Variants in CHRM5 observed in about 807,000 individuals in gnomAD.
CHRM5 encodes the protein cholinergic receptor muscarinic 5.
Under a neutral mutation model 39.0 loss-of-function variants are expected in CHRM5, and 18 were observed. The observed-to-expected ratio is 0.46, with a 90% CI of 0.32 to 0.68. The LOEUF is 0.68. Ranked by LOEUF, CHRM5 falls within the 30% of genes least tolerant of loss-of-function variation. The probability of loss-of-function intolerance (pLI) is 0.04; values close to 1 mark genes in which losing one functional copy is unlikely to be tolerated. For synonymous variants in CHRM5, 241 were observed against 246.3 expected, an observed-to-expected ratio of 0.98 and a Z score of 0.20; for missense variants, 515 against 651.1, an observed-to-expected ratio of 0.79 and a Z score of 2.28.
At chr15:34,038,540 C>T (rs947331379) in intron 1 of CHRM5, among the ~76,000 whole-genome samples, 2 of 151,980 alleles carry the variant, frequency 1.3e-5, no homozygotes, top group South Asian at 4.1e-4. Flanking sequence ...GGAAGCCCTC[C>T]TACCCCCACT....
chr15:34,022,414 AT>A (rs1396963619), intron 1 of CHRM5, among the ~76,000 whole-genome samples: 3 of 152,210 alleles, frequency 2.0e-5, no homozygotes, highest in African/African-American at 7.2e-5. Context: ...AAAATATTTA[AT>A]TAAAAGAAAG....
chr15:34,040,048 T>G (rs1899400511), intron 1 of CHRM5, among the ~76,000 whole-genome samples: 1 of 152,240 alleles, frequency 6.6e-6, no homozygotes, highest in Admixed American at 6.5e-5. Flanking sequence ...AATAAGTGTT[T>G]TCTTCCCCCT....
At chr15:33,974,651 A>T (rs986597410) in intron 1 of CHRM5, among the ~76,000 whole-genome samples, 19 of 152,176 alleles carry the variant, frequency 1.2e-4, no homozygotes, top group Admixed American at 9.8e-4. Context: ...GAAATCTGTG[A>T]TTTGATGTTG....
chr15:34,032,601 C>T (rs1597373456), intron 1 of CHRM5, among the ~76,000 whole-genome samples: 1 of 152,144 alleles, frequency 6.6e-6, no homozygotes, highest in African/African-American at 2.4e-5. Context: ...TAGCTGTCCT[C>T]AAAACGGAGT....
chr15:33,985,236 AG>A, intron 1 of CHRM5, among the ~76,000 whole-genome samples: 1 of 151,974 alleles, frequency 6.6e-6, no homozygotes, highest in South Asian at 2.1e-4. Flanking sequence ...CAGAGACAAA[AG>A]GTGTCTCTGG....
At chr15:34,059,806 G>T (rs1322564266) in intron 2 of CHRM5, among the ~76,000 whole-genome samples, 1 of 152,190 alleles carries the variant, frequency 6.6e-6, no homozygotes, top group Non-Finnish European at 1.5e-5. Context: ...ACTCAACGAG[G>T]CTGGAGGTCC....
At chr15:34,038,695 C>T (rs1022995896) in intron 1 of CHRM5, 13 of 1,087,228 alleles carry the variant, frequency 1.2e-5, no homozygotes, top group African/African-American at 3.4e-5. Context: ...GCCTGGCACG[C>T]TCTCTTGCGG....
chr15:34,039,319 G>C (rs2140799430), intron 1 of CHRM5: 1 of 162,938 alleles, frequency 6.1e-6, no homozygotes, highest in Non-Finnish European at 1.3e-5. Context: ...GGGGCGGGGG[G>C]ATTCTCAAGG....
At chr15:34,029,053 A>G (rs970853515) in intron 1 of CHRM5, among the ~76,000 whole-genome samples, 4 of 152,144 alleles carry the variant, frequency 2.6e-5, no homozygotes, top group Non-Finnish European at 5.9e-5. Context: ...CTAATCCTCA[A>G]GTTTTCAGAG....
At position 34,062,633 on chromosome 15, in the gene CHRM5, T is replaced by G. The variant is rs1358941199; in HGVS notation, c.-75-10T>G. 2 of 1,276,860 alleles carry G rather than the reference T, an allele frequency of 1.6e-6. No individual in the cohort carries two copies. Among genetic ancestry groups the G allele is most frequent in the Non-Finnish European group, 2.2e-6 (2 of 919,188 alleles). The allele number at this position is 1,276,860 out of a possible 1,614,324, so 79.1% of individuals were successfully genotyped here. A position where few individuals can be genotyped will look rare whatever the true frequency, so the allele number is the denominator to read the frequency against. On this transcript the variant is annotated splice_polypyrimidine_tract_variant and intron_variant, in intron 2 of 2. Coordinates refer to ENST00000383263, the MANE Select transcript of CHRM5 (RefSeq NM_012125.4). Reference sequence around the variant, plus strand: ...GGTGTGCGAAGCTAATGTGTTTCCCTCTCTTCCAGATGCTGGCCAAGAAGA... The same window carrying G: ...GGTGTGCGAAGCTAATGTGTTTCCCGCTCTTCCAGATGCTGGCCAAGAAGA...
At chr15:34,038,872 AGCCCCGGCCACG>A (rs1393436770) in intron 1 of CHRM5, 1 of 1,146,496 alleles carries the variant, frequency 8.7e-7, no homozygotes, top group African/African-American at 1.7e-5. Flanking sequence ...GCGCCGCGGA[AGCCCCGGCCACG>A]GCCACGGCCC....
intron 1 of CHRM5, among the ~76,000 whole-genome samples, chr15:33,983,231 CAT>C (rs575460510): frequency 0.11 from 10,763 of 100,652 alleles, 698 homozygotes; most frequent in South Asian, 0.29. Context: ...TATACACACA[CAT>C]ACACACACAC....
At chr15:34,012,220 C>G (rs992470511) in intron 1 of CHRM5, among the ~76,000 whole-genome samples, 1 of 152,130 alleles carries the variant, frequency 6.6e-6, no homozygotes, top group Non-Finnish European at 1.5e-5. Context: ...TGCTTCTTGA[C>G]GTGGTTATGA....
intron 1 of CHRM5, among the ~76,000 whole-genome samples, chr15:34,020,570 T>C (rs2632108): frequency 0.94 from 143,256 of 152,244 alleles, 68,001 homozygotes; most frequent in East Asian, 1. Flanking sequence ...CACCTCACAA[T>C]TCTGAAATGG....
At chr15:34,015,597 C>T (rs1897862712) in intron 1 of CHRM5, among the ~76,000 whole-genome samples, 1 of 152,150 alleles carries the variant, frequency 6.6e-6, no homozygotes, top group Non-Finnish European at 1.5e-5. Flanking sequence ...ATTCCACCCT[C>T]GGTCTTTAGG....
chr15:33,970,641 T>C (rs928000950), intron 1 of CHRM5, among the ~76,000 whole-genome samples: 1 of 151,888 alleles, frequency 6.6e-6, no homozygotes, highest in African/African-American at 2.4e-5. Flanking sequence ...ATGAAGAATA[T>C]TAATCAATAT....
At chr15:34,028,733 G>T (rs1047780010) in intron 1 of CHRM5, among the ~76,000 whole-genome samples, 1 of 152,096 alleles carries the variant, frequency 6.6e-6, no homozygotes, top group African/African-American at 2.4e-5. Context: ...CGAGGAAACT[G>T]AGGCTCAGGA....
At position 34,063,560 on chromosome 15, in the gene CHRM5, T is replaced by A. The variant is rs922382711; in HGVS notation, c.843T>A (p.Thr281=). The change falls in exon 3 of 3, where the codon ACT becomes ACA. Residue 281 remains threonine, a synonymous_variant. Coordinates refer to ENST00000383263, the MANE Select transcript of CHRM5 (RefSeq NM_012125.4). The surrounding 1 kb of genome is among the most constrained non-coding windows in gnomAD (Gnocchi z 4.1). Reference sequence around the variant, plus strand: ...CCTCCCGCAGGAGCACCTCCACCACTGGGAAGCCATCCCAAGCCACTGGCC... The same window carrying A: ...CCTCCCGCAGGAGCACCTCCACCACAGGGAAGCCATCCCAAGCCACTGGCC... The part of the protein sequence containing the change: ...WSSSRRSTST[T]GKPSQATGPS... 1 of 1,613,466 alleles carries A rather than the reference T, an allele frequency of 6.2e-7. No individual in the cohort carries two copies.
intron 1 of CHRM5, among the ~76,000 whole-genome samples, chr15:33,984,288 TAA>T (rs1896322124): frequency 6.6e-6 from 1 of 152,008 alleles, no homozygotes; most frequent in African/African-American, 2.4e-5. Flanking sequence ...TATTAGAAAA[TAA>T]AAAGTTTACA....
Sources: allele counts gnomAD v4.1 joint callset (sites outside exome capture counted in the v4.1 genomes callset), GRCh38; gene constraint gnomAD v4.1.1; non-coding constraint Gnocchi (gnomAD v3.1); transcripts MANE v1.5; gene names NCBI Gene and HGNC (gene_info 2026-07-23, HGNC 2026-07-21).